The following TASOR variants were observed in gnomAD, a reference collection of about 807,000 sequenced individuals.
TASOR encodes the protein transcription activation suppressor.
A neutral mutation model predicts 178.6 loss-of-function variants in TASOR; 53 were observed. The ratio of observed to expected loss-of-function variants is 0.30; its 90% confidence interval spans 0.24 to 0.37. The LOEUF (loss-of-function observed/expected upper bound fraction) is 0.37, where lower values mean the gene tolerates loss of function less well. Ranked by LOEUF, TASOR falls within the 10% of genes least tolerant of loss-of-function variation. The pLI is 1.00. For missense variants in TASOR, 1,815 were observed against 1,971.4 expected (o/e 0.92, Z 1.50); for synonymous variants, 713 against 696.2 (o/e 1.02, Z -0.38).
chr3:56,660,672 C>G (rs1308575383), intron 11 of TASOR, 59 bp downstream of exon 11: 4 of 1,289,000 alleles, frequency 3.1e-6, no homozygotes, highest in Non-Finnish European at 4.5e-6. Flanking sequence ...AATATGATCA[C>G]ACATGAATAT....
intron 1 of TASOR, among the ~76,000 whole-genome samples, chr3:56,682,473 G>C (rs561924681): frequency 6.6e-6 from 1 of 151,910 alleles, no homozygotes; most frequent in Non-Finnish European, 1.5e-5. Context: ...TCCGCGGGGA[G>C]GGGCAGCAGG....
intron 11 of TASOR, among the ~76,000 whole-genome samples, chr3:56,652,945 G>A (rs1202698222): frequency 6.6e-6 from 1 of 152,106 alleles, no homozygotes; most frequent in Non-Finnish European, 1.5e-5. Context: ...AACAGACGTG[G>A]AAAATATGCC....
chr3:56,656,090 G>A (rs1358367706), intron 11 of TASOR, among the ~76,000 whole-genome samples: 1 of 151,912 alleles, frequency 6.6e-6, no homozygotes, highest in Non-Finnish European at 1.5e-5. Flanking sequence ...CAAAACCAAG[G>A]ATAACAGGGG....
intron 21 of TASOR, among the ~76,000 whole-genome samples, chr3:56,626,775 CATTTGGATGATTACTCTAA>C (rs949422493): frequency 2.0e-5 from 3 of 152,034 alleles, no homozygotes; most frequent in African/African-American, 7.2e-5. Flanking sequence ...CTGATCATTC[CATTTGGATGATTACTCTAA>C]ATCCACAAAT....
chr3:56,622,927 TAA>T lies in TASOR; in HGVS notation c.*108_*109del. The T allele has an allele frequency of 1.5e-6, 1 of 677,930 alleles. No homozygotes were observed. Among genetic ancestry groups the T allele is most frequent in the Non-Finnish European group, 2.3e-6 (1 of 433,230 alleles). The allele number at this position is 677,930 out of a possible 1,614,324, so 42.0% of individuals were successfully genotyped here. A position where few individuals can be genotyped will look rare whatever the true frequency, so the allele number is the denominator to read the frequency against. ...CTGTTACAGGCCATCATGATTTAAA[TAA>T]AAGAAAAAACATTTGAGAAAGAACA... is the stretch of plus-strand genomic sequence containing the variant. On this transcript the variant is annotated 3_prime_UTR_variant, in exon 24 of 24. Coordinates refer to ENST00000683822, the MANE Select transcript of TASOR (RefSeq NM_001365635.2).
At chr3:56,638,603 TAA>T in intron 17 of TASOR, 101 bp downstream of exon 17, 1 of 1,163,116 alleles carries the variant, frequency 8.6e-7, no homozygotes, top group East Asian at 2.4e-5. Flanking sequence ...TTTCTGTAAT[TAA>T]AAAAATTTAA....
chr3:56,658,195 A>G (rs1183868959), intron 11 of TASOR, among the ~76,000 whole-genome samples: 2 of 152,238 alleles, frequency 1.3e-5, no homozygotes, highest in African/African-American at 2.4e-5. Context: ...TCCTAGGTAC[A>G]TTAGATTCTG....
chr3:56,650,313 G>A lies in TASOR; in HGVS notation c.1369-1256C>T, dbSNP rs141168397. Among the ~76,000 whole-genome samples the A allele has an allele frequency of 4.7e-3, 720 of 152,326 alleles. 2 individuals carry two copies. Among genetic ancestry groups the A allele is most frequent in the Admixed American group, 0.016 (246 of 15,294 alleles). On this transcript the variant is annotated intron_variant, in intron 11 of 23. Coordinates refer to ENST00000683822, the MANE Select transcript of TASOR (RefSeq NM_001365635.2). ...TTCACATTTAATAAAAACATTGTTT[G>A]CACACTCAAAAGTAAAGTGGTATTG...
Position 56,627,759 on chromosome 3 carries a change from C to T in TASOR, c.3871-18G>A, listed in dbSNP as rs1040481539. The T allele has an allele frequency of 5.6e-6, 9 of 1,604,804 alleles. No homozygotes were observed. Among genetic ancestry groups the T allele is most frequent in the East Asian group, 2.2e-5 (1 of 44,802 alleles). On this transcript the variant is annotated intron_variant, in intron 19 of 23. Coordinates refer to ENST00000683822, the MANE Select transcript of TASOR (RefSeq NM_001365635.2). Reference sequence around the variant, plus strand: ...CCAGGTATCTGTTTAAATCCCAAAACAAAAAGAGAAACAGATGGAGGGAAT... The same window carrying T: ...CCAGGTATCTGTTTAAATCCCAAAATAAAAAGAGAAACAGATGGAGGGAAT...
Position 56,641,750 on chromosome 3 carries a change from ACT to A in TASOR, c.2216_2217del (p.Glu739ValfsTer11). 1 of 1,589,110 alleles carries A rather than the reference ACT, an allele frequency of 6.3e-7. No homozygotes were observed. The highest frequency in any genetic ancestry group is 1.1e-5 in the South Asian group (1 of 88,180). ...NLSENCHLYE[E>X]SPQPIGSLGH... The stretch of plus-strand genomic sequence containing the variant: ...CCAAGTGAGCCAATAGGCTGTGGAG[ACT>A]CTGAGAAAAAGGAAGTCATTGGTTG... On this transcript the variant is annotated frameshift_variant and splice_region_variant, in exon 15 of 24. Transcript: ENST00000683822. LOFTEE classifies it high-confidence loss of function.
At chr3:56,642,810 T>TA (rs1467340319) in intron 14 of TASOR, among the ~76,000 whole-genome samples, 4 of 151,840 alleles carry the variant, frequency 2.6e-5, no homozygotes, top group Non-Finnish European at 5.9e-5. Context: ...CCGTCTCTAC[T>TA]AAAAAAATAC....
At chr3:56,628,750 A>G (rs911683919) in intron 18 of TASOR, 136 bp from the exon 19 acceptor site, 11 of 587,156 alleles carry the variant, frequency 1.9e-5, no homozygotes, top group Non-Finnish European at 2.8e-5. Context: ...TTACACTCTA[A>G]GAGACCATCA....
rs1247923075 is a variant in TASOR, at chr3:56,623,103, A to C, written c.4947T>G (p.Asp1649Glu). Reference protein sequence around the residue: ...LSAYTESLDRDKSPPPLSWGK... With the variant: ...LSAYTESLDREKSPPPLSWGK... The stretch of plus-strand genomic sequence containing the variant: ...CCCAACTTAAGGGAGGTGGAGATTT[A>C]TCTCTATCCAAGCTTTCAGTATAAG... Residue 1649 changes from aspartate (D) to glutamate (E), a missense_variant, in exon 24 of 24, where the codon GAT becomes GAG. Physicochemically the swap from Asp to Glu is conservative, Grantham distance 45. Around this residue, in one of 5 missense-constraint regions of TASOR, gnomAD observed 278 missense variants for 257.1 expected, o/e 1.08. Coordinates refer to ENST00000683822, the MANE Select transcript of TASOR (RefSeq NM_001365635.2). The C allele has an allele frequency of 3.1e-6, 5 of 1,611,742 alleles. No homozygotes were observed. The highest frequency in any genetic ancestry group is 2.7e-5 in the African/African-American group (2 of 74,898).
chr3:56,681,970 T>C (rs113324151), intron 1 of TASOR, among the ~76,000 whole-genome samples: 1,904 of 152,316 alleles, frequency 0.013, 17 homozygotes, highest in Non-Finnish European at 0.021. Context: ...TTAGTTTTTT[T>C]CCATTGGGAA....
At chr3:56,682,560 G>A in intron 1 of TASOR, 116 bp downstream of exon 1, 5 of 980,836 alleles carry the variant, frequency 5.1e-6, no homozygotes, top group Non-Finnish European at 6.9e-6. Flanking sequence ...AGAGGCGGCC[G>A]GCGCTGCATG....
intron 11 of TASOR, among the ~76,000 whole-genome samples, chr3:56,659,514 T>A (rs2077547693): frequency 6.6e-6 from 1 of 152,198 alleles, no homozygotes; most frequent in African/African-American, 2.4e-5. Flanking sequence ...CAGTATTAAA[T>A]TGGACCTTAC....
At chr3:56,639,413 A>C (rs2077078512) in intron 16 of TASOR, among the ~76,000 whole-genome samples, 1 of 27,568 alleles carries the variant, frequency 3.6e-5, no homozygotes, top group South Asian at 3.3e-3. Flanking sequence ...ATGCTACCAA[A>C]AAAAAAAAAA....
At position 56,621,142 on chromosome 3, in the gene TASOR, G is replaced by A. The variant is rs1255059845; in HGVS notation, c.*1895C>T. On this transcript the variant is annotated 3_prime_UTR_variant, in exon 24 of 24. Coordinates refer to ENST00000683822, the MANE Select transcript of TASOR (RefSeq NM_001365635.2). Reference sequence around the variant, plus strand: ...CCACTGTACTCCAGCTTGGGCGACAGAGCGAGACTCCATCTCCAAAAAAAA... The same window carrying A: ...CCACTGTACTCCAGCTTGGGCGACAAAGCGAGACTCCATCTCCAAAAAAAA... The A allele has an allele frequency of 2.0e-5, 3 of 150,872 alleles. No individual in the cohort carries two copies. Among genetic ancestry groups the A allele is most frequent in the African/African-American group, 7.6e-5 (3 of 39,650 alleles). The allele number at this position is 150,872 out of a possible 1,614,324, so 9.3% of individuals were successfully genotyped here.
In TASOR at chr3:56,620,322, T is replaced by C. The variant is rs1239567905; in HGVS notation, c.*2715A>G. ...ACGTACATCCCAAATAGTAATAAAT[T>C]CAGTATGAAATTATACGCATAACCT... On this transcript the variant is annotated 3_prime_UTR_variant, in exon 24 of 24. Transcript: ENST00000683822. The C allele has an allele frequency of 1.3e-5, 2 of 154,490 alleles. No individual in the cohort carries two copies. The highest frequency in any genetic ancestry group is 4.8e-5 in the African/African-American group (2 of 41,468). 9.6% of individuals were successfully genotyped at this position (154,490 alleles called of 1,614,324 possible).
Sources: allele counts gnomAD v4.1 joint callset (sites outside exome capture counted in the v4.1 genomes callset), GRCh38; gene constraint gnomAD v4.1.1; regional missense constraint gnomAD v4.1.1; transcripts MANE v1.5; gene names NCBI Gene and HGNC (gene_info 2026-07-23, HGNC 2026-07-21).